FAM193A: variants seen among roughly 807,000 people sequenced by gnomAD.
The protein encoded by FAM193A is family with sequence similarity 193 member A.
Under a neutral mutation model 126.5 loss-of-function variants are expected in FAM193A, and 22 were observed. That is an observed-to-expected ratio of 0.17 (90% CI 0.12 to 0.25). FAM193A has a LOEUF of 0.25. Ranked by LOEUF, FAM193A falls within the 10% of genes least tolerant of loss-of-function variation. The pLI, the probability that FAM193A is intolerant of heterozygous loss-of-function variation, is 1.00. For missense variants in FAM193A, 1,675 were observed against 1,672.8 expected (o/e 1.00, Z -0.02); for synonymous variants, 761 against 646.8 (o/e 1.18, Z -2.68).
intron 1 of FAM193A, among the ~76,000 whole-genome samples, chr4:2,565,230 G>GGATATACACAAT (rs1560446502): frequency 1.4e-5 from 2 of 141,678 alleles, no homozygotes; most frequent in Admixed American, 1.4e-4. Flanking sequence ...TGGGAAAACT[G>GGATATACACAAT]GATATACACA....
chr4:2,646,971 C>G (rs1745211266), intron 7 of FAM193A, 139 bp downstream of exon 7: 6 of 938,420 alleles, frequency 6.4e-6, no homozygotes, highest in African/African-American at 1.7e-5. Context: ...GTGGGTAGCC[C>G]CTGTGTGTTA....
chr4:2,593,732 G>T (rs1045874850), intron 1 of FAM193A, among the ~76,000 whole-genome samples: 1 of 152,182 alleles, frequency 6.6e-6, no homozygotes, highest in African/African-American at 2.4e-5. Context: ...GGCCTGTAGA[G>T]CCCAGCATCT....
At chr4:2,553,473 C>T (rs1245870004) in intron 1 of FAM193A, among the ~76,000 whole-genome samples, 7 of 151,126 alleles carry the variant, frequency 4.6e-5, no homozygotes, top group South Asian at 2.1e-4. Context: ...CTCTGCCTCC[C>T]GGGTTCAAGA....
chr4:2,644,932 T>G (rs1185136770), intron 6 of FAM193A, among the ~76,000 whole-genome samples: 1 of 152,260 alleles, frequency 6.6e-6, no homozygotes, highest in Admixed American at 6.5e-5. Flanking sequence ...ATACATTTTT[T>G]CCCTATGTCC....
intron 1 of FAM193A, among the ~76,000 whole-genome samples, chr4:2,558,934 G>A (rs573223927): frequency 6.6e-6 from 1 of 152,276 alleles, no homozygotes; most frequent in South Asian, 2.1e-4. Flanking sequence ...CCAGAGGGTG[G>A]AAGTTGCATG....
intron 19 of FAM193A, among the ~76,000 whole-genome samples, chr4:2,701,550 G>GGA (rs1216110554): frequency 3.9e-5 from 6 of 152,158 alleles, no homozygotes; most frequent in Non-Finnish European, 8.8e-5. Context: ...TATCCCACCA[G>GGA]GAAGTGGGTG....
At chr4:2,610,223 T>A (rs1741782214) in intron 2 of FAM193A, among the ~76,000 whole-genome samples, 1 of 152,144 alleles carries the variant, frequency 6.6e-6, no homozygotes, top group African/African-American at 2.4e-5. Flanking sequence ...AGAGCGAGAC[T>A]CTGTCTCAAA....
chr4:2,655,247 CAGGA>C, intron 7 of FAM193A: 1 of 475,152 alleles, frequency 2.1e-6, no homozygotes, highest in South Asian at 4.5e-5. Flanking sequence ...AAAAATAAAA[CAGGA>C]AGATGTCAAA....
intron 20 of FAM193A, among the ~76,000 whole-genome samples, chr4:2,717,970 A>G (rs2109382151): frequency 6.6e-6 from 1 of 152,294 alleles, no homozygotes; most frequent in Non-Finnish European, 1.5e-5. Flanking sequence ...AAATTTTTAA[A>G]TACACAGAAC....
intron 19 of FAM193A, among the ~76,000 whole-genome samples, chr4:2,712,940 T>TA (rs1282310857): frequency 6.6e-6 from 1 of 150,954 alleles, no homozygotes; most frequent in South Asian, 2.1e-4. Context: ...CCATCTCTAC[T>TA]AAAAAATACA....
intron 1 of FAM193A, among the ~76,000 whole-genome samples, chr4:2,577,411 G>GTTTTTTTTTTTTTTTTTTTTTTT (rs67407606): frequency 9.8e-6 from 1 of 101,860 alleles, no homozygotes; most frequent in Non-Finnish European, 2.1e-5. Flanking sequence ...AATTAAAGTG[G>GTTTTTTTTTTTTTTTTTTTTTTT]TTTTTTTTTT....
intron 2 of FAM193A, among the ~76,000 whole-genome samples, chr4:2,603,442 G>A (rs1046441718): frequency 6.9e-6 from 1 of 145,336 alleles, no homozygotes; most frequent in Non-Finnish European, 1.5e-5. Context: ...GCACTACCAC[G>A]CCCAGCTAAT....
intron 19 of FAM193A, 79 bp from the exon 20 acceptor site, chr4:2,715,944 G>A (rs1719488150): frequency 5.1e-5 from 44 of 863,270 alleles, no homozygotes; most frequent in South Asian, 4.8e-4. Flanking sequence ...TAAATTGAGC[G>A]AAGACAAATG....
At chr4:2,710,177 C>CTTTTTTTT (rs1300302935) in intron 19 of FAM193A, among the ~76,000 whole-genome samples, 1 of 73,854 alleles carries the variant, frequency 1.4e-5, no homozygotes, top group Non-Finnish European at 2.5e-5. Context: ...TTTTTTTTTT[C>CTTTTTTTT]TTTTTTTTTT....
intron 20 of FAM193A, among the ~76,000 whole-genome samples, chr4:2,727,462 G>T (rs1005837317): frequency 6.6e-6 from 1 of 152,088 alleles, no homozygotes; most frequent in African/African-American, 2.4e-5. Flanking sequence ...CAGCATTCCC[G>T]CTGAGACTGG....
At chr4:2,705,012 C>T (rs7677399) in intron 19 of FAM193A, among the ~76,000 whole-genome samples, 58,492 of 152,024 alleles carry the variant, frequency 0.38, 11,929 homozygotes, top group Admixed American at 0.56. Context: ...CCGGGGGTCA[C>T]GCCATTCTCC....
rs142417070 is a variant in FAM193A, at chr4:2,717,191, G to A, written c.4454+1087G>A. 8.6e-5 allele frequency among the ~76,000 whole-genome samples: 13 copies of A among 151,868 alleles called. No homozygotes were observed. In the East Asian group the frequency reaches 1.8e-3, roughly 20 times the overall value. On this transcript the variant is annotated intron_variant, in intron 20 of 20. Transcript: ENST00000637812. Reference sequence around the variant, plus strand: ...AACAGGGTTTTGCTATGTTGGCCAGGCAGGTCTCAAACTCTTGACTTTAAG... The same window carrying A: ...AACAGGGTTTTGCTATGTTGGCCAGACAGGTCTCAAACTCTTGACTTTAAG...
chr4:2,728,133 G>A (rs1348702808), intron 20 of FAM193A, among the ~76,000 whole-genome samples: 1 of 150,944 alleles, frequency 6.6e-6, no homozygotes, highest in Non-Finnish European at 1.5e-5. Flanking sequence ...GTTTCTCCAT[G>A]TTGGTCAGGC....
intron 19 of FAM193A, among the ~76,000 whole-genome samples, chr4:2,713,176 G>A (rs1719173755): frequency 6.6e-6 from 1 of 151,626 alleles, no homozygotes. Flanking sequence ...GGAGGCCGAG[G>A]GGGGCAGATC....
Sources: gnomAD v4.1 joint callset for allele counts (sites outside exome capture counted in the v4.1 genomes callset) on GRCh38, gnomAD v4.1.1 for gene constraint, MANE v1.5 for transcripts, NCBI Gene and HGNC (gene_info 2026-07-23, HGNC 2026-07-21) for gene names.